Variants in ARHGAP44 observed in about 807,000 individuals in gnomAD.
ARHGAP44 encodes the protein rho GTPase-activating protein 44.
A neutral mutation model predicts 106.8 loss-of-function variants in ARHGAP44; 43 were observed. The ratio of observed to expected loss-of-function variants is 0.40; its 90% CI spans 0.32 to 0.52. ARHGAP44 has a LOEUF of 0.52. ARHGAP44 is among the 20% of genes least tolerant of loss of function. ARHGAP44 has a pLI of 0.48. For synonymous variants in ARHGAP44, 439 were observed against 410.3 expected (o/e 1.07, Z -0.85); for missense variants, 866 against 1,050.5 (o/e 0.82, Z 2.43).
chr17:12,867,209 G>A (rs1464248178), intron 1 of ARHGAP44, among the ~76,000 whole-genome samples: 1 of 151,692 alleles, frequency 6.6e-6, no homozygotes, highest in Non-Finnish European at 1.5e-5. Flanking sequence ...CAGGATTATG[G>A]GGGATGGGGA....
intron 10 of ARHGAP44, among the ~76,000 whole-genome samples, chr17:12,947,722 T>C (rs1035146459): frequency 6.6e-6 from 1 of 152,246 alleles, no homozygotes; most frequent in Non-Finnish European, 1.5e-5. Context: ...CATCACCAAA[T>C]CCTATTGGCT....
rs558291370 is a variant in ARHGAP44, at chr17:12,965,445, G to T, written c.1523+6548G>T. On this transcript the variant is annotated intron_variant, in intron 16 of 20. Coordinates refer to ENST00000379672, the MANE Select transcript of ARHGAP44 (RefSeq NM_014859.6). Reference sequence around the variant, plus strand: ...CTGTGCTTGAGAGCTGCACTGCAAAGGGCTTGTCCCACCCCTGTGGACTTT... The same window carrying T: ...CTGTGCTTGAGAGCTGCACTGCAAATGGCTTGTCCCACCCCTGTGGACTTT... Among the ~76,000 whole-genome samples, 50 of 152,314 alleles carry T rather than the reference G, an allele frequency of 3.3e-4. 2 individuals carry two copies. The South Asian group carries it at 0.01, about 32-fold the overall frequency.
At chr17:12,925,518 GT>G (rs2038206982) in intron 6 of ARHGAP44, among the ~76,000 whole-genome samples, 1 of 152,184 alleles carries the variant, frequency 6.6e-6, no homozygotes, top group Non-Finnish European at 1.5e-5. Flanking sequence ...ACATTCTGTT[GT>G]CCTGAACTGA....
intron 1 of ARHGAP44, among the ~76,000 whole-genome samples, chr17:12,878,246 C>G (rs193009709): frequency 1.5e-4 from 22 of 150,740 alleles, no homozygotes; most frequent in African/African-American, 5.1e-4. Context: ...TTCAGAGCGT[C>G]TTATGAATCT....
chr17:12,923,259 A>G (rs1055590103), intron 6 of ARHGAP44, among the ~76,000 whole-genome samples: 1 of 151,956 alleles, frequency 6.6e-6, no homozygotes, highest in African/African-American at 2.4e-5. Flanking sequence ...TGCCCAGGCT[A>G]GAGTGCAATG....
At chr17:12,835,129 C>T (rs1483631397) in intron 1 of ARHGAP44, among the ~76,000 whole-genome samples, 1 of 152,178 alleles carries the variant, frequency 6.6e-6, no homozygotes, top group African/African-American at 2.4e-5. Context: ...ACCCTTTTGG[C>T]TGCAGGGCCT....
intron 1 of ARHGAP44, among the ~76,000 whole-genome samples, chr17:12,887,643 A>C (rs533685732): frequency 3.3e-5 from 5 of 151,532 alleles, no homozygotes; most frequent in Admixed American, 2.0e-4. Flanking sequence ...GTAGTATTAG[A>C]TTCATAAAAT....
intron 3 of ARHGAP44, among the ~76,000 whole-genome samples, chr17:12,906,755 T>A (rs562596802): frequency 6.6e-6 from 1 of 152,102 alleles, no homozygotes; most frequent in East Asian, 1.9e-4. Flanking sequence ...GGAAACATAG[T>A]GAGACACCAT....
chr17:12,870,767 C>G (rs1030657550), intron 1 of ARHGAP44, among the ~76,000 whole-genome samples: 2 of 152,094 alleles, frequency 1.3e-5, no homozygotes, highest in Admixed American at 6.6e-5. Flanking sequence ...GGTTTTGGTT[C>G]CATTATACCA....
At chr17:12,940,252 A>T (rs2038670649) in intron 7 of ARHGAP44, among the ~76,000 whole-genome samples, 1 of 152,154 alleles carries the variant, frequency 6.6e-6, no homozygotes, top group South Asian at 2.1e-4. Context: ...AACCTTAGAG[A>T]TCGTATGACT....
In ARHGAP44 at chr17:12,990,507, G is replaced by A. The variant is rs570079614; in HGVS notation, c.*336G>A. The A allele has an allele frequency of 5.7e-5, 14 of 245,104 alleles. No individual in the cohort carries two copies. In the South Asian group the frequency reaches 7.1e-4, roughly 12 times the overall value. 15.2% of individuals were successfully genotyped at this position (245,104 alleles called of 1,614,324 possible). ...GTCAGGAACGTCCTTTGCAGGGTCG[G>A]GGTGGTGCGGGAGAGGCTCACTTTG... On this transcript the variant is annotated 3_prime_UTR_variant, in exon 21 of 21. Transcript: ENST00000379672.
chr17:12,981,211 G>A (rs907210624), intron 19 of ARHGAP44, among the ~76,000 whole-genome samples: 3 of 152,158 alleles, frequency 2.0e-5, no homozygotes, highest in Non-Finnish European at 4.4e-5. Context: ...GACACTCAGG[G>A]TACTGTAAGG....
chr17:12,944,464 T>C (rs2038795120), intron 10 of ARHGAP44, among the ~76,000 whole-genome samples: 2 of 151,856 alleles, frequency 1.3e-5, no homozygotes, highest in South Asian at 4.1e-4. Flanking sequence ...TTTAACATGT[T>C]TGGATAATTT....
intron 7 of ARHGAP44, among the ~76,000 whole-genome samples, chr17:12,932,351 A>G (rs1168895030): frequency 1.3e-5 from 2 of 152,206 alleles, no homozygotes; most frequent in South Asian, 2.1e-4. Flanking sequence ...GCCTATTTGC[A>G]TTGGCAATTG....
intron 1 of ARHGAP44, among the ~76,000 whole-genome samples, chr17:12,889,793 C>T (rs1264866210): frequency 3.3e-5 from 5 of 152,014 alleles, no homozygotes; most frequent in East Asian, 3.9e-4. Context: ...ATTGTGAAAT[C>T]GAAACAAGTA....
At chr17:12,931,608 T>C (rs1372467678) in intron 7 of ARHGAP44, among the ~76,000 whole-genome samples, 1 of 151,650 alleles carries the variant, frequency 6.6e-6, no homozygotes, top group African/African-American at 2.4e-5. Flanking sequence ...ACCATTCTCC[T>C]GCCTCAGCCT....
intron 1 of ARHGAP44, among the ~76,000 whole-genome samples, chr17:12,875,963 A>G (rs2036544162): frequency 6.6e-6 from 1 of 152,100 alleles, no homozygotes; most frequent in South Asian, 2.1e-4. Context: ...AAATGTATTG[A>G]TGATATTTTC....
intron 1 of ARHGAP44, among the ~76,000 whole-genome samples, chr17:12,828,845 G>T (rs574488552): frequency 6.6e-6 from 1 of 151,798 alleles, no homozygotes; most frequent in African/African-American, 2.4e-5. Context: ...GTTTCACTGT[G>T]TTAGCCAGGA....
Position 12,894,760 on chromosome 17 carries a change from C to T in ARHGAP44, c.54-180C>T, listed in dbSNP as rs138833156. On this transcript the variant is annotated intron_variant, in intron 1 of 20. Transcript: ENST00000379672. ...CAGGGTATCTGCTTTGCTGTGTTTG[C>T]TGGTGTGTTGGTTTTTTAAGTTTCC... 8.6e-4 allele frequency among the ~76,000 whole-genome samples: 131 copies of T among 152,086 alleles called. 1 individual carries two copies. The highest frequency in any genetic ancestry group is 2.8e-3 in the African/African-American group (118 of 41,408).
Sources: gnomAD v4.1 joint callset for allele counts (sites outside exome capture counted in the v4.1 genomes callset) on GRCh38, gnomAD v4.1.1 for gene constraint, MANE v1.5 for transcripts, NCBI Gene and HGNC (gene_info 2026-07-23, HGNC 2026-07-21) for gene names.